TUB: variants seen among roughly 807,000 people sequenced by gnomAD.
The protein encoded by TUB is tubby protein homolog.
A neutral mutation model predicts 59.7 loss-of-function variants in TUB; 33 were observed. That is an observed-to-expected ratio of 0.55 (90% CI 0.42 to 0.74). The LOEUF (loss-of-function observed/expected upper bound fraction) is 0.74. TUB is among the 30% of genes least tolerant of loss of function. The pLI is 0.00. For missense variants in TUB, 659 were observed against 672.0 expected, an observed-to-expected ratio of 0.98 and a Z score of 0.21; for synonymous variants, 293 against 256.4, an observed-to-expected ratio of 1.14 and a Z score of -1.36.
intron 2 of TUB, among the ~76,000 whole-genome samples, chr11:8,051,843 T>C (rs1332986733): frequency 6.6e-6 from 1 of 152,246 alleles, no homozygotes; most frequent in East Asian, 1.9e-4. Context: ...TCCTCTGTTA[T>C]TTGTTTTTGT....
At chr11:8,086,738 G>A (rs4578424) in intron 1 of TUB, among the ~76,000 whole-genome samples, 34,328 of 152,070 alleles carry the variant, frequency 0.23, 4,308 homozygotes, top group East Asian at 0.35. Context: ...TCTCCCCGGT[G>A]GCCGCCCCCC....
At chr11:8,066,656 G>A (rs1040202546) in intron 2 of TUB, among the ~76,000 whole-genome samples, 4 of 152,176 alleles carry the variant, frequency 2.6e-5, no homozygotes, top group East Asian at 1.9e-4. Context: ...CCAATCTGTC[G>A]CCTGCGAGCT....
chr11:8,081,590 G>C lies in TUB; in HGVS notation c.38+42G>C, dbSNP rs772270021. 7.4e-6 allele frequency: 11 copies of C among 1,492,576 alleles called. No individual in the cohort carries two copies. The African/African-American group carries it at 1.3e-4, about 18-fold the overall frequency. 92.5% of individuals were successfully genotyped at this position (1,492,576 alleles called of 1,614,324 possible). ...CCGGGGCGCCCACCACTCCCGACTC[G>C]GGACGTGAGCTGGCTGGGGATACGC... On this transcript the variant is annotated intron_variant, in intron 1 of 11. Transcript: ENST00000299506.
chr11:8,020,382 C>T (rs1354129462), intron 1 of TUB, among the ~76,000 whole-genome samples: 1 of 152,170 alleles, frequency 6.6e-6, no homozygotes, highest in Admixed American at 6.5e-5. Flanking sequence ...GCATCTTCGA[C>T]AGCCCTTGTT....
In TUB at chr11:8,101,856, G is replaced by GATTTGGCGT; in HGVS notation, c.*237_*238insATTTGGCGT. 1 of 482,862 alleles carries GATTTGGCGT rather than the reference G, an allele frequency of 2.1e-6. No individual in the cohort carries two copies. The highest frequency in any genetic ancestry group is 3.7e-5 in the South Asian group (1 of 26,830). 29.9% of individuals were successfully genotyped at this position (482,862 alleles called of 1,614,324 possible). ...AAGGGATGAGAATAATTCTTTCCAT[G>GATTTGGCGT]CCACGAGATCAACACACACTCCCAC... On this transcript the variant is annotated 3_prime_UTR_variant, in exon 12 of 12. Transcript: ENST00000299506.
chr11:8,101,491 T>C lies in TUB; in HGVS notation c.1393T>C (p.Tyr465His). Residue 465 changes from tyrosine to histidine, a missense_variant, in exon 12 of 12, where the codon TAC becomes CAC. Physicochemically the swap from Tyr to His is moderately conservative, Grantham distance 83 (BLOSUM62 2). This residue lies in a region of TUB where 226 missense variants were observed against 210.8 expected (regional missense o/e 1.07). Transcript: ENST00000299506. Reference protein sequence around the residue: ...FQIIHGNDPDYIVMQFGRVAE... With the variant: ...FQIIHGNDPDHIVMQFGRVAE... ...GTGCCTGTGCTTGGCCCCAGCGGAC[T>C]ACATCGTGATGCAGTTTGGCCGGGT... is the stretch of plus-strand genomic sequence containing the variant. 6.2e-7 allele frequency: 1 copy of C among 1,614,224 alleles called. No individual in the cohort carries two copies. The highest frequency in any genetic ancestry group is 8.5e-7 in the Non-Finnish European group (1 of 1,180,032).
chr11:8,097,413 G>A lies in TUB; in HGVS notation c.873G>A (p.Glu291=), dbSNP rs1186398291. 4 of 1,614,108 alleles carry A rather than the reference G, an allele frequency of 2.5e-6. No homozygotes were observed. Among genetic ancestry groups the A allele is most frequent in the Non-Finnish European group, 3.4e-6 (4 of 1,180,038 alleles). Residue 291 remains glutamate, a synonymous_variant, in exon 7 of 12, where the codon GAG becomes GAA. Coordinates refer to ENST00000299506, the MANE Select transcript of TUB (RefSeq NM_177972.3). ...YPTYFLHLDR[E]DGKKVFLLAG... ...CCTACTTTCTGCACCTGGACCGTGA[G>A]GATGGGAAGAAGGTAAGGTTGGTCT...
chr11:8,039,667 T>TGGAA lies in TUB; in HGVS notation c.189_192dup (p.Glu65LysfsTer9), dbSNP rs1183398336. On this transcript the variant is annotated frameshift_variant, in exon 2 of 13. Coordinates refer to the TUB transcript ENST00000305253. LOFTEE classifies it high-confidence loss of function. ...CAGGAGAACAACCAGGAGGAAGTACTGGAAGGAAGGAAGGGAGATCGCTCG... is the reference window on the plus strand; with the variant it reads ...CAGGAGAACAACCAGGAGGAAGTACTGGAAGGAAGGAAGGAAGGGAGATCGCTCG... The TGGAA allele has an allele frequency of 4.6e-6, 7 of 1,537,286 alleles. No individual in the cohort carries two copies. Among genetic ancestry groups the TGGAA allele is most frequent in the Non-Finnish European group, 6.1e-6 (7 of 1,139,602 alleles).
At chr11:8,023,554 A>G (rs1489869303) in intron 1 of TUB, among the ~76,000 whole-genome samples, 1 of 152,210 alleles carries the variant, frequency 6.6e-6, no homozygotes, top group Non-Finnish European at 1.5e-5. Flanking sequence ...CCTTTTTGCC[A>G]AGACTTAGTC....
chr11:8,068,390 C>G (rs1943289033), intron 2 of TUB: 1 of 152,456 alleles, frequency 6.6e-6, no homozygotes, highest in Non-Finnish European at 1.5e-5. Flanking sequence ...TGCCTATGAT[C>G]CCCTCCCTTA....
chr11:8,083,498 A>G (rs1035798242), intron 1 of TUB, among the ~76,000 whole-genome samples: 1 of 152,198 alleles, frequency 6.6e-6, no homozygotes, highest in Non-Finnish European at 1.5e-5. Flanking sequence ...CCAGGAAGGT[A>G]GAACTGTCTC....
intron 2 of TUB, chr11:8,039,845 T>C (rs1942717274): frequency 5.8e-6 from 3 of 519,706 alleles, no homozygotes; most frequent in Middle Eastern, 5.2e-4. Context: ...TAGGGGAGGG[T>C]GTGACCACTG....
chr11:8,087,435 A>C (rs1012604923), intron 1 of TUB, among the ~76,000 whole-genome samples: 2 of 152,210 alleles, frequency 1.3e-5, no homozygotes, highest in African/African-American at 4.8e-5. Context: ...TGCTGGCACA[A>C]AGGGAAGCCA....
chr11:8,072,881 C>T (rs1313199702), intron 2 of TUB, among the ~76,000 whole-genome samples: 1 of 152,200 alleles, frequency 6.6e-6, no homozygotes, highest in African/African-American at 2.4e-5. Context: ...CGAGAATTCT[C>T]ACCTTATTTC....
In TUB at chr11:8,101,817, G is replaced by A; in HGVS notation, c.*198G>A. 1 of 864,978 alleles carries A rather than the reference G, an allele frequency of 1.2e-6. No homozygotes were observed. The highest frequency in any genetic ancestry group is 1.8e-5 in the South Asian group (1 of 54,254). 53.6% of individuals were successfully genotyped at this position (864,978 alleles called of 1,614,324 possible). Reference sequence around the variant, plus strand: ...TGAGGCAGGGGAGTAGTGGAGAGCGGGTGGGTGGGTGTGAAGGGATGAGAA... The same window carrying A: ...TGAGGCAGGGGAGTAGTGGAGAGCGAGTGGGTGGGTGTGAAGGGATGAGAA... On this transcript the variant is annotated 3_prime_UTR_variant, in exon 12 of 12. Transcript: ENST00000299506.
rs1275946766 is a variant in TUB at position 8,105,193 on chromosome 11, C to G, written c.*3574C>G. 1 of 152,224 alleles carries G rather than the reference C, an allele frequency of 6.6e-6. No homozygotes were observed. The highest frequency in any genetic ancestry group is 1.5e-5 in the Non-Finnish European group (1 of 68,052). The allele number at this position is 152,224 out of a possible 1,614,324, so 9.4% of individuals were successfully genotyped here. On this transcript the variant is annotated 3_prime_UTR_variant, in exon 12 of 12. Coordinates refer to ENST00000299506, the MANE Select transcript of TUB (RefSeq NM_177972.3). The stretch of plus-strand genomic sequence containing the variant: ...TGCAGTAACACTGGCCTTCCCTTCT[C>G]TAATTCCTTACCCCAGCTGCGGCAT...
intron 1 of TUB, among the ~76,000 whole-genome samples, chr11:8,025,383 G>A (rs959913729): frequency 6.6e-6 from 1 of 152,172 alleles, no homozygotes; most frequent in Admixed American, 6.5e-5. Context: ...ATGGAAAGGA[G>A]CAGCAAGTGA....
upstream of TUB, among the ~76,000 whole-genome samples, chr11:8,079,664 A>G (rs79391302): frequency 1.0e-5 from 1 of 97,928 alleles, no homozygotes; most frequent in Non-Finnish European, 2.6e-5. Context: ...GTGTGCATGC[A>G]TGTGTGTAGG....
exon 1 of TUB, chr11:8,038,984 G>A (rs764177508): frequency 1.2e-6 from 2 of 1,613,988 alleles, no homozygotes; most frequent in Non-Finnish European, 1.7e-6. Context: ...ATTCAAAGCA[G>A]CACAGGAAAC....
Sources: gnomAD v4.1 joint callset for allele counts (sites outside exome capture counted in the v4.1 genomes callset) on GRCh38, gnomAD v4.1.1 for gene constraint, gnomAD v4.1.1 regional missense constraint, MANE v1.5 for transcripts, NCBI Gene and HGNC (gene_info 2026-07-23, HGNC 2026-07-21) for gene names.